FRMPD4: variants seen among roughly 807,000 people sequenced by gnomAD.
FRMPD4 encodes the protein FERM and PDZ domain-containing protein 4.
A neutral mutation model predicts 94.1 loss-of-function variants in FRMPD4; 22 were observed. That is an observed-to-expected ratio of 0.23 (90% CI 0.17 to 0.33). FRMPD4 has a LOEUF of 0.33. Ranked by LOEUF, FRMPD4 falls within the 10% of genes least tolerant of loss-of-function variation. FRMPD4 has a pLI of 1.00. For synonymous variants in FRMPD4, 631 were observed against 548.6 expected, an observed-to-expected ratio of 1.15 and a Z score of -2.10; for missense variants, 1,111 against 1,339.9, an observed-to-expected ratio of 0.83 and a Z score of 2.67.
In FRMPD4 at chrX:11,946,356, C is replaced by T. The variant is rs147494305; in HGVS notation, c.95+68338C>T. ...TGTTTCTAGCCCTCCGTCCTCTAGA[C>T]ACATTGTAGGGTTGCACTTTCCTTC... On this transcript the variant is annotated intron_variant, in intron 3 of 18. Transcript: ENST00000640291. Among the ~76,000 whole-genome samples the T allele has an allele frequency of 4.8e-4, 54 of 111,997 alleles. 1 individual carries two copies. The East Asian group carries it at 0.015, about 30-fold the overall frequency.
At chrX:12,284,135 A>C (rs185440194) in intron 1 of FRMPD4, among the ~76,000 whole-genome samples, 1 of 111,873 alleles carries the variant, frequency 8.9e-6, no homozygotes, top group South Asian at 3.7e-4. Flanking sequence ...GTGAACAGCT[A>C]TTATCGTTGA....
intron 3 of FRMPD4, among the ~76,000 whole-genome samples, chrX:11,960,561 T>C (rs905142440): frequency 8.9e-6 from 1 of 112,589 alleles, no homozygotes; most frequent in Non-Finnish European, 1.9e-5. Context: ...ACATGGATAT[T>C]TGAAGATTTA....
Position 12,468,363 on chromosome X carries a change from CCA to C in FRMPD4, c.42-30316_42-30315del, listed in dbSNP as rs2057471859. Among the ~76,000 whole-genome samples, 8 of 111,788 alleles carry C rather than the reference CCA, an allele frequency of 7.2e-5. No homozygotes were observed. In the South Asian group the frequency reaches 1.9e-3, roughly 26 times the overall value. ...TTTTGAAGAGAACACAAAAGAGATA[CCA>C]TGCAAAGGCAGCAAAAACTATGAGC... On this transcript the variant is annotated intron_variant, in intron 1 of 16. Transcript: ENST00000675598.
chrX:12,341,541 G>A, intron 1 of FRMPD4: 1 of 294,162 alleles, frequency 3.4e-6, no homozygotes, highest in Non-Finnish European at 6.6e-6. Flanking sequence ...TATTTTTCAG[G>A]CACTCTGCTG....
chrX:12,312,488 C>T (rs746280784), intron 1 of FRMPD4, among the ~76,000 whole-genome samples: 5 of 109,733 alleles, frequency 4.6e-5, no homozygotes, highest in Admixed American at 2.9e-4. Flanking sequence ...CTCCTGACCT[C>T]GTGATCCACC....
At position 12,302,551 on chromosome X, in the gene FRMPD4, T is replaced by G. The variant is rs770181453; in HGVS notation, c.41+163539T>G. ...TGTGCAAGGCTAGTCCTGAGCTCAC[T>G]TGGATGGGGTCATGATGAACAGTTC... On this transcript the variant is annotated intron_variant, in intron 1 of 16. Coordinates refer to ENST00000675598, the MANE Select transcript of FRMPD4 (RefSeq NM_001368397.1). Among the ~76,000 whole-genome samples, 9 of 111,163 alleles carry G rather than the reference T, an allele frequency of 8.1e-5. No homozygotes were observed. The South Asian group carries it at 3.5e-3, about 43-fold the overall frequency.
intron 1 of FRMPD4, among the ~76,000 whole-genome samples, chrX:12,259,700 C>G (rs1039886182): frequency 3.2e-4 from 36 of 111,560 alleles, no homozygotes; most frequent in African/African-American, 1.1e-3. Context: ...CCTATTGGCA[C>G]GCTGAACAGC....
intron 1 of FRMPD4, among the ~76,000 whole-genome samples, chrX:12,305,270 G>A (rs1444556552): frequency 9.0e-6 from 1 of 111,618 alleles, no homozygotes; most frequent in Non-Finnish European, 1.9e-5. Flanking sequence ...GGAGGTAGGC[G>A]AATTGGAAAC....
At chrX:12,460,735 A>T (rs942293324) in intron 1 of FRMPD4, among the ~76,000 whole-genome samples, 2 of 111,496 alleles carry the variant, frequency 1.8e-5, no homozygotes, top group African/African-American at 6.5e-5. Context: ...TAAGTAAAGG[A>T]GCATATTGGG....
chrX:12,637,364 A>C (rs928200974), intron 4 of FRMPD4, among the ~76,000 whole-genome samples: 4 of 112,250 alleles, frequency 3.6e-5, no homozygotes, highest in Non-Finnish European at 5.6e-5. Flanking sequence ...AATATATTCA[A>C]ATGACTGTGT....
chrX:12,184,686 G>T (rs1241415245), intron 1 of FRMPD4, among the ~76,000 whole-genome samples: 1 of 112,002 alleles, frequency 8.9e-6, no homozygotes, highest in African/African-American at 3.2e-5. Context: ...AACATGGATG[G>T]AACTGGAGGT....
intron 1 of FRMPD4, among the ~76,000 whole-genome samples, chrX:12,382,550 T>TAG (rs2056338921): frequency 9.1e-6 from 1 of 109,528 alleles, no homozygotes; most frequent in Non-Finnish European, 1.9e-5. Flanking sequence ...TAGCATAGCA[T>TAG]AGCATAGCAT....
At chrX:12,390,887 T>C (rs1474788330) in intron 1 of FRMPD4, among the ~76,000 whole-genome samples, 1 of 112,131 alleles carries the variant, frequency 8.9e-6, no homozygotes, top group Non-Finnish European at 1.9e-5. Flanking sequence ...CAAGACAGTG[T>C]TGATGTAAAT....
intron 1 of FRMPD4, among the ~76,000 whole-genome samples, chrX:12,229,884 G>A (rs769380320): frequency 1.2e-4 from 13 of 111,960 alleles, no homozygotes; most frequent in South Asian, 3.7e-4. Context: ...ACTGTAGCAC[G>A]TCTCCTGAAG....
At chrX:12,052,743 G>C (rs2054825225) in intron 3 of FRMPD4, among the ~76,000 whole-genome samples, 1 of 111,327 alleles carries the variant, frequency 9.0e-6, no homozygotes, top group Non-Finnish European at 1.9e-5. Flanking sequence ...TTACAATTGA[G>C]CTTTTCCTAA....
At chrX:11,935,080 T>TAACAG (rs1569128966) in intron 3 of FRMPD4, among the ~76,000 whole-genome samples, 1 of 82,356 alleles carries the variant, frequency 1.2e-5, no homozygotes, top group Non-Finnish European at 2.4e-5. Context: ...TGATTTTTTT[T>TAACAG]TTTTTTTTTT....
At chrX:12,132,152 A>T (rs1174667048) in intron 3 of FRMPD4, among the ~76,000 whole-genome samples, 1 of 110,733 alleles carries the variant, frequency 9.0e-6, no homozygotes, top group Non-Finnish European at 1.9e-5. Flanking sequence ...GTTGTGGTGG[A>T]GTTGGGAGGA....
At chrX:12,016,191 G>A (rs2054604034) in intron 3 of FRMPD4, among the ~76,000 whole-genome samples, 1 of 111,716 alleles carries the variant, frequency 9.0e-6, no homozygotes, top group African/African-American at 3.3e-5. Flanking sequence ...AAAGTTGAGA[G>A]TGAGGCCAAG....
At chrX:12,362,046 T>G (rs944855412) in intron 1 of FRMPD4, among the ~76,000 whole-genome samples, 22 of 111,501 alleles carry the variant, frequency 2.0e-4, no homozygotes, top group African/African-American at 6.8e-4. Flanking sequence ...CAGTAGGTAG[T>G]AGAAATATGT....
Sources: allele counts gnomAD v4.1 joint callset (sites outside exome capture counted in the v4.1 genomes callset), GRCh38; gene constraint gnomAD v4.1.1; transcripts MANE v1.5; gene names NCBI Gene and HGNC (gene_info 2026-07-23, HGNC 2026-07-21).